The following SEC62 variants were observed in gnomAD, a reference collection of about 807,000 sequenced individuals.
SEC62 encodes SEC62 preprotein translocation factor, also known as translocation protein SEC62.
SEC62 carries 10 observed loss-of-function variants against 47.5 expected under a neutral mutation model. The observed-to-expected ratio is 0.21, with a 90% CI of 0.13 to 0.36. SEC62 has a LOEUF of 0.36. Among genes scored for constraint, SEC62 ranks in the 10% least tolerant of loss-of-function variants. SEC62 has a pLI of 1.00. For missense variants in SEC62, 327 were observed against 464.1 expected, an observed-to-expected ratio of 0.70 and a Z score of 2.71; for synonymous variants, 136 against 150.5, an observed-to-expected ratio of 0.90 and a Z score of 0.71.
At chr3:169,971,795 A>C (rs2108279786) in intron 1 of SEC62, among the ~76,000 whole-genome samples, 1 of 152,340 alleles carries the variant, frequency 6.6e-6, no homozygotes, top group Non-Finnish European at 1.5e-5. Context: ...AGCAGTCAGT[A>C]GATTAGTATA....
At position 169,984,099 on chromosome 3, in the gene SEC62, C is replaced by A. The variant is rs535117245; in HGVS notation, c.549+846C>A. Among the ~76,000 whole-genome samples the A allele has an allele frequency of 3.3e-5, 5 of 152,280 alleles. No individual in the cohort carries two copies. The East Asian group carries it at 9.6e-4, about 29-fold the overall frequency. On this transcript the variant is annotated intron_variant, in intron 5 of 7. Coordinates refer to ENST00000337002, the MANE Select transcript of SEC62 (RefSeq NM_003262.4). ...ACTGTTGTGAATTTCAGGATATATC[C>A]TTTCCTGTTATACCTATACAATAGT...
In SEC62 at chr3:169,996,805, C is replaced by G. The variant is rs766577745; in HGVS notation, c.*3742C>G. 1 of 152,264 alleles carries G rather than the reference C, an allele frequency of 6.6e-6. No individual in the cohort carries two copies. Among genetic ancestry groups the G allele is most frequent in the Non-Finnish European group, 1.5e-5 (1 of 68,096 alleles). The allele number at this position is 152,264 out of a possible 1,614,324, so 9.4% of individuals were successfully genotyped here. ...TGATGTCAGTTCTGCTGCTACTAGC[C>G]TGGAGTTGCAGAAGCTACTGTGCTT... On this transcript the variant is annotated 3_prime_UTR_variant, in exon 8 of 8. Coordinates refer to ENST00000337002, the MANE Select transcript of SEC62 (RefSeq NM_003262.4).
chr3:169,980,794 A>G (rs1400453625), intron 3 of SEC62, among the ~76,000 whole-genome samples: 1 of 152,216 alleles, frequency 6.6e-6, no homozygotes, highest in East Asian at 1.9e-4. Flanking sequence ...ATATACTTCA[A>G]GTATCTGTAT....
rs1280436457 is a variant in SEC62 at position 169,996,880 on chromosome 3, G to A, written c.*3817G>A. 1.3e-5 allele frequency: 2 copies of A among 152,130 alleles called. No individual in the cohort carries two copies. The highest frequency in any genetic ancestry group is 1.3e-4 in the Admixed American group (2 of 15,268). 9.4% of individuals were successfully genotyped at this position (152,130 alleles called of 1,614,324 possible). On this transcript the variant is annotated 3_prime_UTR_variant, in exon 8 of 8. Transcript: ENST00000337002. ...ACTTATCTCCTCATAATATCTTCAT[G>A]TAAAGAACCATCTGTTTCTTATTGG...
chr3:169,981,874 G>A (rs554544745), intron 3 of SEC62, among the ~76,000 whole-genome samples: 1 of 152,256 alleles, frequency 6.6e-6, no homozygotes, highest in Non-Finnish European at 1.5e-5. Context: ...AGAATGGGAA[G>A]GTGGGCTTAT....
intron 3 of SEC62, among the ~76,000 whole-genome samples, chr3:169,978,057 A>G (rs1179749287): frequency 1.3e-5 from 2 of 152,328 alleles, no homozygotes; most frequent in East Asian, 3.9e-4. Context: ...AGGCAGGTGG[A>G]TCACAAGGTC....
chr3:169,975,570 G>C lies in SEC62; in HGVS notation c.37-38G>C, dbSNP rs781717418. On this transcript the variant is annotated intron_variant, in intron 1 of 7. Transcript: ENST00000337002. ...ATTATTCAGCGCATGAATTTCTCAA[G>C]TATATGATTATACTAAATTAATATT... 8.7e-6 allele frequency: 11 copies of C among 1,267,960 alleles called. No individual in the cohort carries two copies. The African/African-American group carries it at 1.2e-4, about 14-fold the overall frequency. 78.5% of individuals were successfully genotyped at this position (1,267,960 alleles called of 1,614,324 possible).
In SEC62 at chr3:169,982,608, T is replaced by C. The variant is rs11914445; in HGVS notation, c.252-99T>C. On this transcript the variant is annotated intron_variant, in intron 3 of 7. Transcript: ENST00000337002. ...TTGTAATTTCTCTTGTGTTGCTAAT[T>C]TATGCCTTCCTTTGCTTATTTTATT... 6.7e-3 allele frequency: 9,471 copies of C among 1,421,528 alleles called. 527 individuals carry two copies. The African/African-American group carries it at 0.12, about 18-fold the overall frequency. The allele number at this position is 1,421,528 out of a possible 1,614,324, so 88.1% of individuals were successfully genotyped here.
rs1446645067 is a variant in SEC62 at position 169,994,041 on chromosome 3, T to G, written c.*978T>G. On this transcript the variant is annotated 3_prime_UTR_variant, in exon 8 of 8. Transcript: ENST00000337002. ...CTTAAAGTAGCTTTGTACGCCTTAA[T>G]GTTCATTTTGATTTATTTTAAATCT... 6.6e-6 allele frequency: 1 copy of G among 152,648 alleles called. No individual in the cohort carries two copies. Among genetic ancestry groups the G allele is most frequent in the Non-Finnish European group, 1.5e-5 (1 of 68,036 alleles). The allele number at this position is 152,648 out of a possible 1,614,324, so 9.5% of individuals were successfully genotyped here. A position where few individuals can be genotyped will look rare whatever the true frequency, so the allele number is the denominator to read the frequency against.
At chr3:169,982,090 A>G (rs921420284) in intron 3 of SEC62, among the ~76,000 whole-genome samples, 6 of 152,216 alleles carry the variant, frequency 3.9e-5, no homozygotes, top group African/African-American at 1.4e-4. Context: ...CCAGGAATAC[A>G]TCATGTTTTG....
intron 7 of SEC62, among the ~76,000 whole-genome samples, chr3:169,991,055 C>T (rs567671091): frequency 1.3e-5 from 2 of 152,230 alleles, no homozygotes; most frequent in African/African-American, 4.8e-5. Flanking sequence ...TTGGTAAATT[C>T]AGAGAAAACT....
At chr3:169,983,318 C>T in intron 5 of SEC62, 65 bp downstream of exon 5, 3 of 1,043,340 alleles carry the variant, frequency 2.9e-6, no homozygotes, top group East Asian at 2.6e-5. Flanking sequence ...ATGTTTGATG[C>T]CTTCACTAAT....
intron 5 of SEC62, chr3:169,983,863 AAG>A (rs1400055711): frequency 6.6e-6 from 1 of 152,202 alleles, no homozygotes; most frequent in Non-Finnish European, 1.5e-5. Flanking sequence ...TCAAAGAAAA[AAG>A]AGCAGAATAG....
At chr3:169,969,334 T>C (rs932954331) in intron 1 of SEC62, 1 of 456,572 alleles carries the variant, frequency 2.2e-6, no homozygotes, top group Non-Finnish European at 4.4e-6. Flanking sequence ...GCAAGAGGAC[T>C]GTTGTCACAT....
chr3:169,995,098 C>G lies in SEC62; in HGVS notation c.*2035C>G, dbSNP rs1715343397. The G allele has an allele frequency of 6.6e-6, 1 of 152,120 alleles. No homozygotes were observed. Among genetic ancestry groups the G allele is most frequent in the African/African-American group, 2.4e-5 (1 of 41,428 alleles). 9.4% of individuals were successfully genotyped at this position (152,120 alleles called of 1,614,324 possible). A position where few individuals can be genotyped will look rare whatever the true frequency, so the allele number is the denominator to read the frequency against. ...TCAAAAGGCTGCCTCTATTACAATC[C>G]TCAGTGGAATAGATGGCTATCTTTC... On this transcript the variant is annotated 3_prime_UTR_variant, in exon 8 of 8. Coordinates refer to ENST00000337002, the MANE Select transcript of SEC62 (RefSeq NM_003262.4).
intron 3 of SEC62, among the ~76,000 whole-genome samples, chr3:169,981,795 C>G (rs1024131181): frequency 6.6e-6 from 1 of 152,098 alleles, no homozygotes; most frequent in Non-Finnish European, 1.5e-5. Flanking sequence ...AGTGAAGGAG[C>G]AAACAACTAC....
chr3:169,972,634 C>T (rs1714726457), intron 1 of SEC62, among the ~76,000 whole-genome samples: 1 of 142,860 alleles, frequency 7.0e-6, no homozygotes, highest in African/African-American at 2.6e-5. Flanking sequence ...GTTGCCCAGG[C>T]TGGTCTCAAG....
intron 5 of SEC62, 53 bp from the exon 6 acceptor site, chr3:169,985,752 T>G: frequency 9.9e-6 from 14 of 1,412,348 alleles, no homozygotes; most frequent in South Asian, 1.2e-5. Flanking sequence ...TAAGCATTAC[T>G]TTCTAATGTG....
chr3:169,991,075 G>T (rs1474289891), intron 7 of SEC62, among the ~76,000 whole-genome samples: 1 of 151,944 alleles, frequency 6.6e-6, no homozygotes, highest in Non-Finnish European at 1.5e-5. Context: ...TAAATATTGG[G>T]GTTTGTGATA....
Sources: gnomAD v4.1 joint callset for allele counts (sites outside exome capture counted in the v4.1 genomes callset) on GRCh38, gnomAD v4.1.1 for gene constraint, MANE v1.5 for transcripts, NCBI Gene and HGNC (gene_info 2026-07-23, HGNC 2026-07-21) for gene names.